TNR: variants seen among roughly 807,000 people sequenced by gnomAD.
The protein encoded by TNR is tenascin R.
In TNR, 45 loss-of-function variants were observed where a neutral mutation model predicts 150.4. The ratio of observed to expected loss-of-function variants is 0.30; its 90% CI spans 0.24 to 0.38. The LOEUF is 0.38. Ranked by LOEUF, TNR falls within the 10% of genes least tolerant of loss-of-function variation. The pLI, the probability that TNR is intolerant of heterozygous loss-of-function variation, is 1.00. For missense variants in TNR, 1,544 were observed against 1,759.1 expected, an observed-to-expected ratio of 0.88 and a Z score of 2.19; for synonymous variants, 687 against 678.4, an observed-to-expected ratio of 1.01 and a Z score of -0.20.
chr1:175,378,922 G>A (rs1363288988), intron 9 of TNR, among the ~76,000 whole-genome samples: 2 of 152,222 alleles, frequency 1.3e-5, no homozygotes, highest in South Asian at 2.1e-4. Flanking sequence ...GCTCACACCT[G>A]TAATCCCAGC....
At chr1:175,576,732 T>C (rs1195127787) in intron 1 of TNR, among the ~76,000 whole-genome samples, 2 of 152,224 alleles carry the variant, frequency 1.3e-5, no homozygotes, top group East Asian at 3.8e-4. Flanking sequence ...TATTCATTTT[T>C]TGAGACTCTG....
chr1:175,564,567 TGG>T (rs992434430), intron 1 of TNR, among the ~76,000 whole-genome samples: 3 of 152,180 alleles, frequency 2.0e-5, no homozygotes, highest in Non-Finnish European at 2.9e-5. Context: ...TAGACATTCC[TGG>T]GGACAGCTCC....
At chr1:175,343,696 A>G (rs1217368780) in intron 18 of TNR, among the ~76,000 whole-genome samples, 1 of 152,192 alleles carries the variant, frequency 6.6e-6, no homozygotes, top group African/African-American at 2.4e-5. Flanking sequence ...TAGGTGCTCA[A>G]TCAGTATTTG....
chr1:175,462,558 T>A (rs1372995992), intron 2 of TNR, among the ~76,000 whole-genome samples: 2 of 152,228 alleles, frequency 1.3e-5, no homozygotes, highest in Non-Finnish European at 2.9e-5. Context: ...GGAGTTCTTA[T>A]TTGGCAGCAG....
chr1:175,369,200 T>C (rs993905271), intron 9 of TNR, among the ~76,000 whole-genome samples: 4 of 152,212 alleles, frequency 2.6e-5, no homozygotes, highest in African/African-American at 4.8e-5. Context: ...CAGTCTTTTC[T>C]CCATCTACAT....
Position 175,586,506 on chromosome 1 carries a change from G to A in TNR, c.-164-58137C>T, listed in dbSNP as rs552860777. On this transcript the variant is annotated intron_variant, in intron 1 of 22. Transcript: ENST00000367674. Reference sequence around the variant, plus strand: ...AGTAGAGACAAGGTTTCACCACGTTGGCCAGGGTGGTCTGGTCTTGAACTA... The same window carrying A: ...AGTAGAGACAAGGTTTCACCACGTTAGCCAGGGTGGTCTGGTCTTGAACTA... Among the ~76,000 whole-genome samples, 7 of 152,182 alleles carry A rather than the reference G, an allele frequency of 4.6e-5. No homozygotes were observed. The South Asian group carries it at 1.5e-3, about 32-fold the overall frequency.
At chr1:175,606,265 A>G (rs547205905) in intron 1 of TNR, among the ~76,000 whole-genome samples, 1 of 152,244 alleles carries the variant, frequency 6.6e-6, no homozygotes, top group Admixed American at 6.5e-5. Flanking sequence ...TCTGTTTTCT[A>G]CTGGGCCACC....
At chr1:175,721,189 C>A (rs1056647239) in intron 1 of TNR, among the ~76,000 whole-genome samples, 1 of 152,182 alleles carries the variant, frequency 6.6e-6, no homozygotes, top group African/African-American at 2.4e-5. Flanking sequence ...ACTAAAGCAG[C>A]CCCACCTCTA....
chr1:175,358,502 C>A (rs539905780), intron 15 of TNR, among the ~76,000 whole-genome samples: 2 of 152,330 alleles, frequency 1.3e-5, no homozygotes, highest in East Asian at 3.9e-4. Flanking sequence ...CCTTCCTAAG[C>A]TTTGACAATA....
chr1:175,457,336 T>C (rs911362807), intron 2 of TNR, among the ~76,000 whole-genome samples: 1 of 152,200 alleles, frequency 6.6e-6, no homozygotes, highest in South Asian at 2.1e-4. Context: ...ACAGCGCCCA[T>C]AGGCATTATA....
At chr1:175,604,133 T>C (rs2101849693) in intron 1 of TNR, among the ~76,000 whole-genome samples, 1 of 151,932 alleles carries the variant, frequency 6.6e-6, no homozygotes, top group South Asian at 2.1e-4. Flanking sequence ...CCTTCCCCGC[T>C]CCCCTCTTCT....
chr1:175,478,893 C>T (rs1321428426), intron 2 of TNR, among the ~76,000 whole-genome samples: 2 of 152,152 alleles, frequency 1.3e-5, no homozygotes, highest in Non-Finnish European at 2.9e-5. Flanking sequence ...CAAATGCAGA[C>T]ATTAAAAGGA....
At chr1:175,666,251 G>A (rs1665529446) in intron 1 of TNR, among the ~76,000 whole-genome samples, 1 of 152,176 alleles carries the variant, frequency 6.6e-6, no homozygotes, top group African/African-American at 2.4e-5. Context: ...TTTAAGATGG[G>A]ACATTGCCTG....
chr1:175,331,059 TTC>T (rs1491203494), intron 20 of TNR, among the ~76,000 whole-genome samples: 1 of 121,764 alleles, frequency 8.2e-6, no homozygotes, highest in Admixed American at 8.5e-5. Context: ...CTTTCTTTCT[TTC>T]TTTCTTTCTT....
chr1:175,716,554 G>T (rs1186163058), intron 1 of TNR, among the ~76,000 whole-genome samples: 1 of 152,148 alleles, frequency 6.6e-6, no homozygotes, highest in African/African-American at 2.4e-5. Flanking sequence ...TTCAGATCCT[G>T]TTGATGTTGT....
chr1:175,506,271 T>C (rs888922740), intron 2 of TNR, among the ~76,000 whole-genome samples: 1 of 152,224 alleles, frequency 6.6e-6, no homozygotes, highest in African/African-American at 2.4e-5. Context: ...GTTATATTTG[T>C]TCAGAAACAA....
At chr1:175,392,032 G>T (rs973056132) in intron 6 of TNR, among the ~76,000 whole-genome samples, 3 of 152,110 alleles carry the variant, frequency 2.0e-5, no homozygotes, top group South Asian at 2.1e-4. Flanking sequence ...GATGAATTAG[G>T]ACTCAGTGAC....
intron 1 of TNR, among the ~76,000 whole-genome samples, chr1:175,692,134 G>A (rs915540285): frequency 5.9e-5 from 9 of 152,216 alleles, no homozygotes; most frequent in Non-Finnish European, 1.2e-4. Flanking sequence ...ATCCGTGGGT[G>A]TCAGGAAAGG....
At chr1:175,723,984 G>T (rs1667411158) in intron 1 of TNR, among the ~76,000 whole-genome samples, 1 of 151,766 alleles carries the variant, frequency 6.6e-6, no homozygotes, top group Admixed American at 6.6e-5. Context: ...TTAATATTTT[G>T]AGCAAATTTG....
Sources: allele counts gnomAD v4.1 joint callset (sites outside exome capture counted in the v4.1 genomes callset), GRCh38; gene constraint gnomAD v4.1.1; transcripts MANE v1.5; gene names NCBI Gene and HGNC (gene_info 2026-07-23, HGNC 2026-07-21).